Variants in CTNNA3 observed in about 807,000 individuals in gnomAD.
The protein encoded by CTNNA3 is catenin alpha-3.
Under a neutral mutation model 95.7 loss-of-function variants are expected in CTNNA3, and 76 were observed. That is an observed-to-expected ratio of 0.79 (90% CI 0.66 to 0.96). The LOEUF (loss-of-function observed/expected upper bound fraction) is 0.96, where lower values mean the gene tolerates loss of function less well. Among genes scored for constraint, CTNNA3 ranks in the 40% least tolerant of loss-of-function variants. CTNNA3 has a pLI of 0.00. For missense variants in CTNNA3, 1,191 were observed against 1,089.8 expected, an observed-to-expected ratio of 1.09 and a Z score of -1.31; for synonymous variants, 431 against 374.4, an observed-to-expected ratio of 1.15 and a Z score of -1.74.
At chr10:67,463,950 C>G (rs1847478294) in intron 5 of CTNNA3, among the ~76,000 whole-genome samples, 1 of 152,136 alleles carries the variant, frequency 6.6e-6, no homozygotes, top group Non-Finnish European at 1.5e-5. Flanking sequence ...CCTCCTTCTA[C>G]CCCTTCTCAT....
intron 12 of CTNNA3, among the ~76,000 whole-genome samples, chr10:66,368,023 T>C (rs72804762): frequency 0.06 from 9,146 of 151,234 alleles, 396 homozygotes; most frequent in East Asian, 0.11. Context: ...TCATTACATC[T>C]CTGGGTTAGA....
At chr10:67,466,216 A>G (rs1847589024) in intron 5 of CTNNA3, among the ~76,000 whole-genome samples, 1 of 152,200 alleles carries the variant, frequency 6.6e-6, no homozygotes, top group South Asian at 2.1e-4. Flanking sequence ...TGCTTTATTA[A>G]TGGTATCTCA....
chr10:67,111,778 T>C (rs1414078009), intron 7 of CTNNA3, among the ~76,000 whole-genome samples: 1 of 152,066 alleles, frequency 6.6e-6, no homozygotes, highest in East Asian at 1.9e-4. Context: ...CTCCCCAGGA[T>C]ACCACTATAA....
chr10:67,624,569 T>A (rs953068520), intron 2 of CTNNA3, among the ~76,000 whole-genome samples: 1 of 152,200 alleles, frequency 6.6e-6, no homozygotes, highest in Non-Finnish European at 1.5e-5. Context: ...TCTTTTCTCC[T>A]GTTAATCTGC....
At chr10:66,014,279 T>C (rs116594703) in intron 15 of CTNNA3, among the ~76,000 whole-genome samples, 42 of 152,144 alleles carry the variant, frequency 2.8e-4, no homozygotes, top group Non-Finnish European at 5.3e-4. Context: ...AATTTCTGAA[T>C]AGTAGAAGCC....
At chr10:66,988,555 C>A (rs1284450034) in intron 7 of CTNNA3, among the ~76,000 whole-genome samples, 2 of 152,088 alleles carry the variant, frequency 1.3e-5, no homozygotes, top group Admixed American at 1.3e-4. Context: ...GAATTTAAAT[C>A]TATTTTTAGA....
At chr10:65,966,494 C>G (rs1414987244) in intron 17 of CTNNA3, 118 bp downstream of exon 17, 17 of 773,600 alleles carry the variant, frequency 2.2e-5, no homozygotes, top group Non-Finnish European at 3.2e-5. Context: ...ATAAAAACTC[C>G]AATTTAGTTT....
chr10:66,145,747 T>C (rs1418400145), intron 13 of CTNNA3, among the ~76,000 whole-genome samples: 1 of 152,206 alleles, frequency 6.6e-6, no homozygotes, highest in Non-Finnish European at 1.5e-5. Flanking sequence ...TAAGTGTTTT[T>C]TATTTTTTTT....
At chr10:66,256,389 C>A (rs2090774666) in intron 13 of CTNNA3, among the ~76,000 whole-genome samples, 2 of 152,142 alleles carry the variant, frequency 1.3e-5, no homozygotes, top group Admixed American at 1.3e-4. Flanking sequence ...TAAATGCAGC[C>A]TTTCCAGTTT....
intron 3 of CTNNA3, among the ~76,000 whole-genome samples, chr10:67,565,931 A>T (rs1362390343): frequency 7.4e-6 from 1 of 135,878 alleles, no homozygotes; most frequent in African/African-American, 2.8e-5. Context: ...AATAGCAAAG[A>T]TATGCAATCA....
chr10:67,117,724 A>T (rs1859255086), intron 7 of CTNNA3, among the ~76,000 whole-genome samples: 1 of 152,064 alleles, frequency 6.6e-6, no homozygotes, highest in South Asian at 2.1e-4. Flanking sequence ...TTTATTATTA[A>T]TTTGAAATGT....
At chr10:66,215,031 G>A (rs1374077154) in intron 13 of CTNNA3, among the ~76,000 whole-genome samples, 1 of 151,692 alleles carries the variant, frequency 6.6e-6, no homozygotes, top group Non-Finnish European at 1.5e-5. Context: ...AGAAATTTCT[G>A]TTATTGTGAA....
chr10:66,669,174 T>G (rs1341002287), intron 9 of CTNNA3, among the ~76,000 whole-genome samples: 1 of 152,178 alleles, frequency 6.6e-6, no homozygotes, highest in African/African-American at 2.4e-5. Context: ...TCATTCATTA[T>G]TCTCAAGGCC....
At chr10:67,121,256 T>C (rs1002341562) in intron 7 of CTNNA3, among the ~76,000 whole-genome samples, 3 of 152,104 alleles carry the variant, frequency 2.0e-5, no homozygotes, top group Admixed American at 6.6e-5. Flanking sequence ...TTGTTAACAG[T>C]GTCTCAGTGT....
intron 6 of CTNNA3, among the ~76,000 whole-genome samples, chr10:67,184,265 T>A (rs1862727148): frequency 6.6e-6 from 1 of 152,190 alleles, no homozygotes; most frequent in African/African-American, 2.4e-5. Flanking sequence ...ACTGGTCCAA[T>A]TTTGCTTCGA....
intron 7 of CTNNA3, among the ~76,000 whole-genome samples, chr10:66,958,470 TA>T (rs910398956): frequency 8.7e-5 from 13 of 149,704 alleles, no homozygotes; most frequent in Non-Finnish European, 1.2e-4. Flanking sequence ...CTTTTTTTTT[TA>T]AAAAAAATAG....
intron 13 of CTNNA3, among the ~76,000 whole-genome samples, chr10:66,210,316 C>T (rs748416916): frequency 2.0e-5 from 3 of 150,630 alleles, no homozygotes; most frequent in Non-Finnish European, 4.4e-5. Context: ...TTTACTAAGG[C>T]AAACGAGATA....
In CTNNA3 at chr10:67,181,109, A is replaced by G. The variant is rs550513375; in HGVS notation, c.844-589T>C. Among the ~76,000 whole-genome samples, 449 of 152,258 alleles carry G rather than the reference A, an allele frequency of 2.9e-3. 3 individuals are homozygous for G. The highest frequency in any genetic ancestry group is 0.01 in the African/African-American group (423 of 41,548). On this transcript the variant is annotated intron_variant, in intron 6 of 17. Transcript: ENST00000433211. ...CAGACAAGTATCCATGTCTTTCAATACCAGATTTAATATTATTTTCATTAT... is the reference window on the plus strand; with the variant it reads ...CAGACAAGTATCCATGTCTTTCAATGCCAGATTTAATATTATTTTCATTAT...
chr10:66,137,992 A>T (rs867805545), intron 13 of CTNNA3, among the ~76,000 whole-genome samples: 2 of 152,050 alleles, frequency 1.3e-5, no homozygotes, highest in Non-Finnish European at 2.9e-5. Flanking sequence ...ATAAATAACA[A>T]TAAATGATAT....
Sources: allele counts gnomAD v4.1 joint callset (sites outside exome capture counted in the v4.1 genomes callset), GRCh38; gene constraint gnomAD v4.1.1; transcripts MANE v1.5; gene names NCBI Gene and HGNC (gene_info 2026-07-23, HGNC 2026-07-21).